Variants in MAPK4 observed in about 807,000 individuals in gnomAD.
MAPK4 encodes Erk3-related.
A neutral mutation model predicts 47.7 loss-of-function variants in MAPK4; 22 were observed. The observed-to-expected ratio is 0.46, with a 90% CI of 0.33 to 0.66. The LOEUF is 0.66. MAPK4 is among the 30% of genes least tolerant of loss of function. MAPK4 has a pLI of 0.02. For missense variants in MAPK4, 736 were observed against 831.7 expected, an observed-to-expected ratio of 0.88 and a Z score of 1.42; for synonymous variants, 390 against 365.7, an observed-to-expected ratio of 1.07 and a Z score of -0.76.
In MAPK4 at chr18:50,677,506, C is replaced by T. The variant is rs575628839; in HGVS notation, c.546+13002C>T. On this transcript the variant is annotated intron_variant, in intron 2 of 5. Coordinates refer to ENST00000400384, the MANE Select transcript of MAPK4 (RefSeq NM_002747.4). ...GGCCCAGGAGTCCACGGACAGGGACCCTCAACTGCCTTCTGCTCTGAGGTG... is the reference window on the plus strand; with the variant it reads ...GGCCCAGGAGTCCACGGACAGGGACTCTCAACTGCCTTCTGCTCTGAGGTG... Among the ~76,000 whole-genome samples, 342 of 152,146 alleles carry T rather than the reference C, an allele frequency of 2.2e-3. 3 individuals carry two copies. Among genetic ancestry groups the T allele is most frequent in the Non-Finnish European group, 1.1e-3 (74 of 67,990 alleles).
At chr18:50,686,315 T>G (rs1457712447) in intron 2 of MAPK4, among the ~76,000 whole-genome samples, 1 of 152,202 alleles carries the variant, frequency 6.6e-6, no homozygotes, top group Non-Finnish European at 1.5e-5. Context: ...CCCTGGCAGC[T>G]ATGTACCCAG....
chr18:50,658,315 T>C (rs924040596), intron 1 of MAPK4, among the ~76,000 whole-genome samples: 1 of 152,064 alleles, frequency 6.6e-6, no homozygotes, highest in African/African-American at 2.4e-5. Context: ...TGAGCCTAGA[T>C]GGTTTGTGGT....
intron 1 of MAPK4, among the ~76,000 whole-genome samples, chr18:50,569,690 G>C (rs535004418): frequency 6.6e-6 from 1 of 152,298 alleles, no homozygotes; most frequent in African/African-American, 2.4e-5. Context: ...GCTGCTAAAA[G>C]CCTAAAACAA....
intron 2 of MAPK4, among the ~76,000 whole-genome samples, chr18:50,686,419 A>G (rs986357104): frequency 2.6e-5 from 4 of 152,382 alleles, no homozygotes; most frequent in Middle Eastern, 3.4e-3. Context: ...TAGCCAGAGC[A>G]CTAAACTGCT....
intron 1 of MAPK4, among the ~76,000 whole-genome samples, chr18:50,647,349 G>A (rs1450478701): frequency 6.6e-6 from 1 of 152,200 alleles, no homozygotes; most frequent in African/African-American, 2.4e-5. Flanking sequence ...TCCTGAGGGA[G>A]GGAAGTTGAG....
chr18:50,705,886 T>A (rs190053704), intron 2 of MAPK4: 1 of 152,206 alleles, frequency 6.6e-6, no homozygotes, highest in Non-Finnish European at 1.5e-5. Flanking sequence ...AGACATATCA[T>A]CCATTTGTTT....
At chr18:50,682,989 G>T (rs935086449) in intron 2 of MAPK4, among the ~76,000 whole-genome samples, 5 of 152,192 alleles carry the variant, frequency 3.3e-5, no homozygotes, top group Non-Finnish European at 5.9e-5. Context: ...TAAATTCTGT[G>T]TGGTTCCATT....
chr18:50,672,626 C>A (rs142975541), intron 2 of MAPK4, among the ~76,000 whole-genome samples: 1 of 152,236 alleles, frequency 6.6e-6, no homozygotes, highest in African/African-American at 2.4e-5. Flanking sequence ...CCAGGCCACC[C>A]TTCCGGGAAG....
chr18:50,594,572 C>G (rs554361036), intron 1 of MAPK4, among the ~76,000 whole-genome samples: 1 of 152,246 alleles, frequency 6.6e-6, no homozygotes, highest in South Asian at 2.1e-4. Context: ...TTGATCCTAC[C>G]TAGCTCTGTA....
At chr18:50,675,248 A>G (rs1351949971) in intron 2 of MAPK4, among the ~76,000 whole-genome samples, 2 of 152,050 alleles carry the variant, frequency 1.3e-5, no homozygotes, top group East Asian at 1.9e-4. Flanking sequence ...ATGGCCATTC[A>G]GGTGACTGCA....
intron 1 of MAPK4, among the ~76,000 whole-genome samples, chr18:50,562,874 C>A (rs941764784): frequency 9.9e-5 from 15 of 152,218 alleles, no homozygotes; most frequent in Non-Finnish European, 4.4e-5. Context: ...TGGAATTTGA[C>A]ATAAAAAATA....
intron 2 of MAPK4, among the ~76,000 whole-genome samples, chr18:50,711,680 T>G (rs1910372922): frequency 6.6e-6 from 1 of 152,236 alleles, no homozygotes; most frequent in African/African-American, 2.4e-5. Flanking sequence ...CATGTTCCTC[T>G]CTACATCCAA....
intron 2 of MAPK4, among the ~76,000 whole-genome samples, chr18:50,679,833 G>A (rs1908482113): frequency 1.3e-5 from 2 of 152,118 alleles, no homozygotes; most frequent in African/African-American, 4.8e-5. Flanking sequence ...GGCCAGGACA[G>A]GAAAGCCTCC....
chr18:50,597,154 A>G (rs1442348577), intron 1 of MAPK4, among the ~76,000 whole-genome samples: 1 of 152,202 alleles, frequency 6.6e-6, no homozygotes, highest in Non-Finnish European at 1.5e-5. Context: ...AATGAAAAGT[A>G]TATGTTGATC....
At chr18:50,630,225 G>T (rs1461893627) in intron 1 of MAPK4, among the ~76,000 whole-genome samples, 1 of 152,180 alleles carries the variant, frequency 6.6e-6, no homozygotes, top group Non-Finnish European at 1.5e-5. Context: ...GCCTGTCTGT[G>T]TCACCCAGGC....
Position 50,729,742 on chromosome 18 carries a change from C to T in MAPK4, c.1652C>T (p.Thr551Ile). Residue 551 changes from threonine to isoleucine, a missense_variant, in exon 6 of 6, where the codon ACC becomes ATC. Thr to Ile is a moderately conservative substitution (Grantham distance 89, BLOSUM62 -1). Around this residue, in one of 3 missense-constraint regions of MAPK4, gnomAD observed 377 missense variants for 378.6 expected, o/e 1.00. Transcript: ENST00000400384. ...VFISRALKLC[T>I]KPEDLPDNKL... Reference sequence around the variant, plus strand: ...ATCTCCCGCGCCCTGAAGCTCTGCACCAAGCCCGAGGACCTGCCGGACAAT... The same window carrying T: ...ATCTCCCGCGCCCTGAAGCTCTGCATCAAGCCCGAGGACCTGCCGGACAAT... 1 of 1,602,980 alleles carries T rather than the reference C, an allele frequency of 6.2e-7. No homozygotes were observed. Among genetic ancestry groups the T allele is most frequent in the Non-Finnish European group, 8.5e-7 (1 of 1,176,098 alleles).
intron 1 of MAPK4, chr18:50,560,530 T>A (rs2042143816): frequency 6.6e-6 from 1 of 152,342 alleles, no homozygotes; most frequent in African/African-American, 2.4e-5. Flanking sequence ...GCCGCTGGGC[T>A]CCTCGCGTTG....
chr18:50,707,134 T>C (rs1379133857), intron 2 of MAPK4, among the ~76,000 whole-genome samples: 1 of 152,204 alleles, frequency 6.6e-6, no homozygotes, highest in Non-Finnish European at 1.5e-5. Flanking sequence ...ACAAAGCCTG[T>C]ATGATTCTGC....
At chr18:50,618,945 A>G (rs1384160492) in intron 1 of MAPK4, among the ~76,000 whole-genome samples, 4 of 152,140 alleles carry the variant, frequency 2.6e-5, no homozygotes, top group Non-Finnish European at 5.9e-5. Flanking sequence ...GGCCCGGGTA[A>G]CTGCCTTCTA....
Sources: gnomAD v4.1 joint callset for allele counts (sites outside exome capture counted in the v4.1 genomes callset) on GRCh38, gnomAD v4.1.1 for gene constraint, gnomAD v4.1.1 regional missense constraint, MANE v1.5 for transcripts, NCBI Gene and HGNC (gene_info 2026-07-23, HGNC 2026-07-21) for gene names.